Variants in SETDB1 observed in about 807,000 individuals in gnomAD.
SETDB1 encodes the protein histone-lysine N-methyltransferase SETDB1.
A neutral mutation model predicts 137.4 loss-of-function variants in SETDB1; 31 were observed. The ratio of observed to expected loss-of-function variants is 0.23; its 90% CI spans 0.17 to 0.30. The LOEUF (loss-of-function observed/expected upper bound fraction) is 0.30. Among genes scored for constraint, SETDB1 ranks in the 10% least tolerant of loss-of-function variants. The probability of loss-of-function intolerance (pLI) is 1.00; values close to 1 mark genes in which losing one functional copy is unlikely to be tolerated. For missense variants in SETDB1, 1,113 were observed against 1,631.5 expected, an observed-to-expected ratio of 0.68 and a Z score of 5.47; for synonymous variants, 548 against 579.9, an observed-to-expected ratio of 0.95 and a Z score of 0.79.
rs1670483577 is a variant in SETDB1 at position 150,951,281 on chromosome 1, G to C, written c.2217-84G>C. ...GGCTGGAGTCTGACATGGCCACACT[G>C]AGCAACCTTGGGTACATGTGTATTG... On this transcript the variant is annotated intron_variant, in intron 13 of 21. Coordinates refer to ENST00000692827, the MANE Select transcript of SETDB1 (RefSeq NM_001366418.1). 3 of 1,171,922 alleles carry C rather than the reference G, an allele frequency of 2.6e-6. No individual in the cohort carries two copies. In the East Asian group the frequency reaches 7.0e-5, roughly 27 times the overall value. 72.6% of individuals were successfully genotyped at this position (1,171,922 alleles called of 1,614,324 possible).
chr1:150,945,245 C>T, intron 9 of SETDB1, 137 bp downstream of exon 9: 1 of 1,475,186 alleles, frequency 6.8e-7, no homozygotes, highest in South Asian at 1.4e-5. Flanking sequence ...TGTTTTTGGT[C>T]AAATTTTACT....
chr1:150,953,886 GCT>G (rs1186204406), intron 14 of SETDB1, among the ~76,000 whole-genome samples: 1 of 150,122 alleles, frequency 6.7e-6, no homozygotes, highest in Non-Finnish European at 1.5e-5. Context: ...ATGGAGTCTT[GCT>G]CTGTCGCCCA....
chr1:150,939,015 T>C (rs1328538466), intron 3 of SETDB1, among the ~76,000 whole-genome samples: 1 of 152,178 alleles, frequency 6.6e-6, no homozygotes, highest in Non-Finnish European at 1.5e-5. Context: ...CTTGGCTTAC[T>C]GCAACCCTTG....
chr1:150,949,036 T>C, intron 10 of SETDB1, 86 bp from the exon 11 acceptor site: 1 of 1,313,924 alleles, frequency 7.6e-7, no homozygotes, highest in Non-Finnish European at 1.1e-6. Flanking sequence ...CCTTTTTATA[T>C]TGTATAAGTT....
intron 9 of SETDB1, among the ~76,000 whole-genome samples, chr1:150,946,460 T>G (rs72704698): frequency 0.11 from 16,993 of 151,750 alleles, 1,072 homozygotes; most frequent in Admixed American, 0.18. Flanking sequence ...GAATTTTTTT[T>G]TGGGGGGGAT....
Position 150,951,003 on chromosome 1 carries a change from A to C in SETDB1, c.2129A>C (p.Lys710Thr). Residue 710 changes from lysine (K) to threonine (T), a missense_variant, in exon 13 of 22, where the codon AAG (lysine) becomes ACG (threonine). Physicochemically the swap from Lys to Thr is moderately conservative, Grantham distance 78. Coordinates refer to ENST00000692827, the MANE Select transcript of SETDB1 (RefSeq NM_001366418.1). ...CCTCCACCCCAGGTGGCCTACAGCA[A>C]GGAACGTATCCCGGGCAAGGGTGTT... ...TTPPPQVAYS[K>T]ERIPGKGVFI... 1 of 1,614,142 alleles carries C rather than the reference A, an allele frequency of 6.2e-7. No homozygotes were observed. Among genetic ancestry groups the C allele is most frequent in the Non-Finnish European group, 8.5e-7 (1 of 1,180,018 alleles).
At chr1:150,929,503 G>A (rs955072887) in intron 2 of SETDB1, among the ~76,000 whole-genome samples, 1 of 151,520 alleles carries the variant, frequency 6.6e-6, no homozygotes, top group Non-Finnish European at 1.5e-5. Flanking sequence ...CTCAGCCTCC[G>A]GAGTAGCTGG....
At chr1:150,944,501 C>A (rs1670264185) in intron 8 of SETDB1, among the ~76,000 whole-genome samples, 1 of 152,190 alleles carries the variant, frequency 6.6e-6, no homozygotes. Flanking sequence ...TTACACATAA[C>A]ATGACAGTAA....
At chr1:150,932,902 T>G (rs1005950036) in intron 3 of SETDB1, among the ~76,000 whole-genome samples, 2 of 152,234 alleles carry the variant, frequency 1.3e-5, no homozygotes, top group Admixed American at 6.5e-5. Context: ...GTTTTCAGCT[T>G]CATTAAACTT....
chr1:150,946,480 C>T (rs1670334230), intron 9 of SETDB1, among the ~76,000 whole-genome samples: 1 of 151,044 alleles, frequency 6.6e-6, no homozygotes, highest in South Asian at 2.1e-4. Flanking sequence ...TGGAGTTTCG[C>T]TCCTGTTGCC....
intron 4 of SETDB1, among the ~76,000 whole-genome samples, chr1:150,940,387 G>A (rs1442853533): frequency 2.0e-5 from 3 of 151,768 alleles, no homozygotes; most frequent in Non-Finnish European, 2.9e-5. Flanking sequence ...CCAAAATGGC[G>A]AAACCCCATC....
At position 150,950,833 on chromosome 1, in the gene SETDB1, C is replaced by T. The variant is rs758794776; in HGVS notation, c.1959C>T (p.Phe653=). The T allele has an allele frequency of 1.9e-6, 3 of 1,614,206 alleles. No homozygotes were observed. Among genetic ancestry groups the T allele is most frequent in the Non-Finnish European group, 2.5e-6 (3 of 1,180,046 alleles). The part of the protein sequence containing the change: ...ERYLFETGCD[F]LFLEMFCLDP... ...ACCTTTTCGAGACTGGCTGTGACTT[C>T]CTCTTCCTGGAGATGTTCTGTTTGG... Residue 653 remains phenylalanine, a synonymous_variant, in exon 13 of 22, where the codon TTC becomes TTT. Transcript: ENST00000692827.
chr1:150,945,662 C>T (rs181787328), intron 9 of SETDB1, among the ~76,000 whole-genome samples: 12 of 152,322 alleles, frequency 7.9e-5, no homozygotes, highest in African/African-American at 2.9e-4. Context: ...TATATTTCTT[C>T]TTGGTGTTAC....
At chr1:150,947,909 G>A (rs947325584) in intron 10 of SETDB1, among the ~76,000 whole-genome samples, 4 of 152,092 alleles carry the variant, frequency 2.6e-5, no homozygotes, top group Admixed American at 6.6e-5. Flanking sequence ...AACATAATTA[G>A]GTAAATCATC....
At position 150,960,551 on chromosome 1, in the gene SETDB1, C is replaced by T. The variant is rs1670788690; in HGVS notation, c.2504-12C>T. The T allele has an allele frequency of 6.3e-7, 1 of 1,598,624 alleles. No individual in the cohort carries two copies. The highest frequency in any genetic ancestry group is 8.5e-7 in the Non-Finnish European group (1 of 1,171,420). On this transcript the variant is annotated splice_polypyrimidine_tract_variant and intron_variant, in intron 15 of 21. Transcript: ENST00000692827. Reference sequence around the variant, plus strand: ...ATAACCCTAGAAGGCCTTTAATTCTCTTCATTCTCAGGCAAAATCCTGACA... The same window carrying T: ...ATAACCCTAGAAGGCCTTTAATTCTTTTCATTCTCAGGCAAAATCCTGACA...
intron 9 of SETDB1, chr1:150,945,361 T>G: frequency 7.6e-7 from 1 of 1,320,342 alleles, no homozygotes; most frequent in Non-Finnish European, 9.9e-7. Context: ...TCTTTAGGAG[T>G]ATTCACATTG....
At position 150,942,595 on chromosome 1, in the gene SETDB1, A is replaced by G. The variant is rs1255525930; in HGVS notation, c.580A>G (p.Lys194Glu). 1 of 1,613,606 alleles carries G rather than the reference A, an allele frequency of 6.2e-7. No homozygotes were observed. ...GAGTCAGATGTCTGGAGAACTAAGCAAAGATGGTGACCTGATAGTCAGCAT... is the reference window on the plus strand; with the variant it reads ...GAGTCAGATGTCTGGAGAACTAAGCGAAGATGGTGACCTGATAGTCAGCAT... ...TLSQMSGELSKDGDLIVSMRI... is the reference protein window; with the variant it reads ...TLSQMSGELSEDGDLIVSMRI... The change falls in exon 6 of 22, where the codon AAA (lysine) becomes GAA (glutamate). Residue 194 changes from lysine (K) to glutamate (E), a missense_variant. Physicochemically the swap from Lys to Glu is moderately conservative, Grantham distance 56. Transcript: ENST00000692827.
chr1:150,942,594 C>T lies in SETDB1; in HGVS notation c.579C>T (p.Ser193=). Residue 193 remains serine (S), a synonymous_variant, in exon 6 of 22, where the codon AGC becomes AGT. Coordinates refer to ENST00000692827, the MANE Select transcript of SETDB1 (RefSeq NM_001366418.1). The part of the protein sequence containing the change: ...GTLSQMSGEL[S]KDGDLIVSMR... Reference sequence around the variant, plus strand: ...TGAGTCAGATGTCTGGAGAACTAAGCAAAGATGGTGACCTGATAGTCAGCA... The same window carrying T: ...TGAGTCAGATGTCTGGAGAACTAAGTAAAGATGGTGACCTGATAGTCAGCA... The T allele has an allele frequency of 6.2e-7, 1 of 1,613,364 alleles. No individual in the cohort carries two copies. Among genetic ancestry groups the T allele is most frequent in the South Asian group, 1.1e-5 (1 of 90,960 alleles).
intron 3 of SETDB1, among the ~76,000 whole-genome samples, chr1:150,939,251 A>ATTTT (rs71580343): frequency 3.0e-4 from 32 of 107,174 alleles, no homozygotes; most frequent in East Asian, 1.4e-3. Context: ...TGCACCCAGC[A>ATTTT]TTTTTTTTTT....
Sources: gnomAD v4.1 joint callset for allele counts (sites outside exome capture counted in the v4.1 genomes callset) on GRCh38, gnomAD v4.1.1 for gene constraint, MANE v1.5 for transcripts, NCBI Gene and HGNC (gene_info 2026-07-23, HGNC 2026-07-21) for gene names.